The following PHLPP1 variants were observed in gnomAD, a reference collection of about 807,000 sequenced individuals.
PHLPP1 encodes PH domain and leucine rich repeat protein phosphatase 1, also known as PH domain leucine-rich repeat-containing protein phosphatase 1.
In PHLPP1, 42 loss-of-function variants were observed where a neutral mutation model predicts 117.2. That is an observed-to-expected ratio of 0.36 (90% CI 0.28 to 0.46). The LOEUF (loss-of-function observed/expected upper bound fraction) is 0.46, where lower values mean the gene tolerates loss of function less well. PHLPP1 is among the 20% of genes least tolerant of loss of function. The pLI is 1.00. For synonymous variants in PHLPP1, 1,042 were observed against 970.7 expected (o/e 1.07, Z -1.37); for missense variants, 2,084 against 2,241.9 (o/e 0.93, Z 1.42).
chr18:62,719,498 G>C (rs117348909), intron 1 of PHLPP1, among the ~76,000 whole-genome samples: 3,746 of 152,282 alleles, frequency 0.025, 74 homozygotes, highest in Non-Finnish European at 0.04. Flanking sequence ...TTTGCACCAG[G>C]CTGGAAGTGA....
At chr18:62,813,176 A>G (rs1464823627) in intron 1 of PHLPP1, among the ~76,000 whole-genome samples, 1 of 152,224 alleles carries the variant, frequency 6.6e-6, no homozygotes, top group Non-Finnish European at 1.5e-5. Flanking sequence ...TTGCTCCTGG[A>G]ACTGAGCTGA....
chr18:62,803,151 G>T (rs1229740391), intron 1 of PHLPP1, among the ~76,000 whole-genome samples: 1 of 151,972 alleles, frequency 6.6e-6, no homozygotes, highest in Non-Finnish European at 1.5e-5. Flanking sequence ...ATATGTTAAG[G>T]GTTCATATTG....
chr18:62,797,552 G>C (rs532589771), intron 1 of PHLPP1, among the ~76,000 whole-genome samples: 5 of 152,140 alleles, frequency 3.3e-5, no homozygotes, highest in Non-Finnish European at 7.4e-5. Context: ...GGACGGTCAG[G>C]GCAGGCCTTG....
chr18:62,802,138 C>T (rs1296729882), intron 1 of PHLPP1, among the ~76,000 whole-genome samples: 2 of 152,082 alleles, frequency 1.3e-5, no homozygotes, highest in African/African-American at 2.4e-5. Flanking sequence ...ATACGAGCTA[C>T]CCCTTTTTCC....
At position 62,978,339 on chromosome 18, in the gene PHLPP1, C is replaced by A. The variant is rs781636651; in HGVS notation, c.4062C>A (p.Arg1354=). 4 of 1,612,332 alleles carry A rather than the reference C, an allele frequency of 2.5e-6. No individual in the cohort carries two copies. In the Admixed American group the frequency reaches 6.7e-5, roughly 27 times the overall value. The change falls in exon 17 of 17, where the codon CGC becomes CGA. Residue 1354 remains arginine, a synonymous_variant. Coordinates refer to ENST00000262719, the MANE Select transcript of PHLPP1 (RefSeq NM_194449.4). This position sits in a 1 kb window ranked among gnomAD's most constrained non-coding sequence, Gnocchi z 7.0. ...TCCTCCATCCCAGTGTGGTGCCTCG[C>A]CCCCACGTGCAGTCCGTGCTCCTGA... ...YTFLHPSVVP[R]PHVQSVLLTP...
At chr18:62,919,278 A>G (rs1273034054) in intron 9 of PHLPP1, among the ~76,000 whole-genome samples, 3 of 152,180 alleles carry the variant, frequency 2.0e-5, no homozygotes, top group African/African-American at 7.2e-5. Flanking sequence ...CATCTCTGAC[A>G]GTTCTGGTGA....
chr18:62,812,162 A>C (rs563894538), intron 1 of PHLPP1, among the ~76,000 whole-genome samples: 2 of 152,342 alleles, frequency 1.3e-5, no homozygotes, highest in African/African-American at 2.4e-5. Context: ...GTCTGTTTGC[A>C]GCAAAGAAAA....
At chr18:62,828,812 A>G (rs182513898) in intron 1 of PHLPP1, among the ~76,000 whole-genome samples, 112 of 152,290 alleles carry the variant, frequency 7.4e-4, no homozygotes, top group Middle Eastern at 3.4e-3. Flanking sequence ...AACTAGTCCA[A>G]CTTCTAAATA....
In PHLPP1 at chr18:62,849,649, C is replaced by CAAA. The variant is rs34653454; in HGVS notation, c.1899+10758_1899+10760dup. On this transcript the variant is annotated intron_variant, in intron 3 of 16. Coordinates refer to ENST00000262719, the MANE Select transcript of PHLPP1 (RefSeq NM_194449.4). ...TGGATGATAGATTGAGATTCTGTCT[C>CAAA]AAAAAAAAAAAAAAAAAAAATCTAC... is the stretch of plus-strand genomic sequence containing the variant. 8.7e-4 allele frequency among the ~76,000 whole-genome samples: 72 copies of CAAA among 82,808 alleles called. 1 individual carries two copies. The highest frequency in any genetic ancestry group is 3.0e-3 in the African/African-American group (62 of 20,742). 54.3% of individuals were successfully genotyped at this position (82,808 alleles called of 152,430 possible).
At chr18:62,944,977 A>T (rs1910235037) in intron 11 of PHLPP1, 132 bp from the exon 12 acceptor site, 1 of 614,932 alleles carries the variant, frequency 1.6e-6, no homozygotes, top group Non-Finnish European at 2.6e-6. Context: ...CCAAAATGAT[A>T]GTGAAAAAAT....
chr18:62,913,785 C>T (rs1917027197), intron 8 of PHLPP1, among the ~76,000 whole-genome samples: 1 of 143,604 alleles, frequency 7.0e-6, no homozygotes, highest in Non-Finnish European at 1.5e-5. Flanking sequence ...CTCTTGTTGC[C>T]CAGTCTGGAG....
intron 4 of PHLPP1, among the ~76,000 whole-genome samples, chr18:62,874,661 A>AG (rs1568146239): frequency 4.3e-5 from 4 of 92,096 alleles, no homozygotes; most frequent in Non-Finnish European, 8.4e-5. Context: ...ACGCGCGCAC[A>AG]CACACACACA....
chr18:62,836,515 T>C (rs1192305918), intron 2 of PHLPP1, among the ~76,000 whole-genome samples: 1 of 151,590 alleles, frequency 6.6e-6, no homozygotes, highest in Non-Finnish European at 1.5e-5. Flanking sequence ...TGATGCAACA[T>C]TTTGTTCAAG....
intron 1 of PHLPP1, among the ~76,000 whole-genome samples, chr18:62,756,461 C>T (rs1912022994): frequency 6.6e-6 from 1 of 152,194 alleles, no homozygotes; most frequent in Non-Finnish European, 1.5e-5. Flanking sequence ...TATTATTTCA[C>T]AACATTGAGA....
intron 16 of PHLPP1, among the ~76,000 whole-genome samples, chr18:62,977,146 G>A (rs1438756823): frequency 6.6e-6 from 1 of 152,174 alleles, no homozygotes; most frequent in African/African-American, 2.4e-5. Flanking sequence ...TAATAGGAAT[G>A]CTTACCTGCT....
chr18:62,919,887 A>G, intron 9 of PHLPP1, 72 bp from the exon 10 acceptor site: 2 of 1,098,042 alleles, frequency 1.8e-6, no homozygotes, highest in East Asian at 2.6e-5. Flanking sequence ...TGAATTTGTG[A>G]TTTTTGGAGA....
chr18:62,894,712 C>G (rs1277035019), intron 4 of PHLPP1, among the ~76,000 whole-genome samples: 2 of 152,192 alleles, frequency 1.3e-5, no homozygotes, highest in Non-Finnish European at 2.9e-5. Flanking sequence ...GTTAATTAAG[C>G]TAATTGAGAT....
Position 62,766,102 on chromosome 18 carries a change from T to TATATATATATATATATAA in PHLPP1, c.1576+48844_1576+48845insTATATATATATATATAAA, listed in dbSNP as rs1491446982. ...ATATATATATATATATATATATATA[T>TATATATATATATATATAA]AAAATATATATATATTTGTACAGAA... is the stretch of plus-strand genomic sequence containing the variant. On this transcript the variant is annotated intron_variant, in intron 1 of 16. Transcript: ENST00000262719. Among the ~76,000 whole-genome samples, 63 of 60,626 alleles carry TATATATATATATATATAA rather than the reference T, an allele frequency of 1.0e-3. 2 individuals carry two copies. Among genetic ancestry groups the TATATATATATATATATAA allele is most frequent in the Non-Finnish European group, 1.4e-3 (41 of 28,614 alleles). 39.8% of individuals were successfully genotyped at this position (60,626 alleles called of 152,430 possible). A position where few individuals can be genotyped will look rare whatever the true frequency, so the allele number is the denominator to read the frequency against.
At chr18:62,720,460 G>A (rs1279047956) in intron 1 of PHLPP1, among the ~76,000 whole-genome samples, 2 of 152,090 alleles carry the variant, frequency 1.3e-5, no homozygotes, top group African/African-American at 4.8e-5. Context: ...GACTCCTTGG[G>A]ATTTCGCGGG....
Sources: gnomAD v4.1 joint callset for allele counts (sites outside exome capture counted in the v4.1 genomes callset) on GRCh38, gnomAD v4.1.1 for gene constraint, Gnocchi (gnomAD v3.1) non-coding constraint, MANE v1.5 for transcripts, NCBI Gene and HGNC (gene_info 2026-07-23, HGNC 2026-07-21) for gene names.